DNAH11: variants seen among roughly 807,000 people sequenced by gnomAD.
DNAH11 encodes axonemal beta dynein heavy chain 11.
DNAH11 carries 442 observed loss-of-function variants against 526.0 expected under a neutral mutation model. The observed-to-expected ratio is 0.84, with a 90% CI of 0.78 to 0.91. DNAH11 has a LOEUF of 0.91. DNAH11 is among the 40% of genes least tolerant of loss of function. The pLI, the probability that DNAH11 is intolerant of heterozygous loss-of-function variation, is 0.00. For missense variants in DNAH11, 6,989 were observed against 5,448.7 expected, an observed-to-expected ratio of 1.28 and a Z score of -8.90; for synonymous variants, 2,461 against 1,935.9, an observed-to-expected ratio of 1.27 and a Z score of -7.12.
Position 21,854,425 on chromosome 7 carries a change from A to G in DNAH11, c.11172A>G (p.Lys3724=), listed in dbSNP as rs1782754945. Residue 3724 remains lysine, a synonymous_variant, in exon 68 of 82, where the codon AAA becomes AAG. Transcript: ENST00000409508. ...LLYFVINDLQ[K]INPLYQFSLK... ...ATTTTGTTATTAATGACCTCCAAAA[A>G]ATCAACCCCCTCTACCAATTCTCTT... 1 of 1,613,776 alleles carries G rather than the reference A, an allele frequency of 6.2e-7. No individual in the cohort carries two copies. The highest frequency in any genetic ancestry group is 1.7e-5 in the Admixed American group (1 of 60,004).
At chr7:21,654,853 A>G (rs957055338) in intron 28 of DNAH11, among the ~76,000 whole-genome samples, 1 of 152,134 alleles carries the variant, frequency 6.6e-6, no homozygotes, top group African/African-American at 2.4e-5. Context: ...CCTACACAAC[A>G]CATGTCATTC....
At chr7:21,684,157 T>C (rs1783269648) in intron 32 of DNAH11, among the ~76,000 whole-genome samples, 1 of 152,218 alleles carries the variant, frequency 6.6e-6, no homozygotes, top group Non-Finnish European at 1.5e-5. Context: ...GGAAGCATTG[T>C]TGATTCTGCC....
At chr7:21,754,165 T>C (rs1354502590) in intron 54 of DNAH11, among the ~76,000 whole-genome samples, 3 of 152,188 alleles carry the variant, frequency 2.0e-5, no homozygotes, top group Admixed American at 1.3e-4. Flanking sequence ...TTGATAATAG[T>C]AGGAATTCTG....
chr7:21,653,142 C>T (rs1781860042), intron 28 of DNAH11, among the ~76,000 whole-genome samples: 1 of 152,194 alleles, frequency 6.6e-6, no homozygotes, highest in African/African-American at 2.4e-5. Context: ...TCCCAAAGTG[C>T]TGGGATTACA....
At chr7:21,870,776 T>A (rs1583794951) in intron 73 of DNAH11, among the ~76,000 whole-genome samples, 1 of 152,116 alleles carries the variant, frequency 6.6e-6, no homozygotes, top group Non-Finnish European at 1.5e-5. Flanking sequence ...TTTTGGATAT[T>A]TGTTTCAGAC....
chr7:21,764,063 T>C (rs936322900), intron 54 of DNAH11, among the ~76,000 whole-genome samples: 2 of 152,020 alleles, frequency 1.3e-5, no homozygotes, highest in Non-Finnish European at 1.5e-5. Flanking sequence ...TTCCATTCAA[T>C]GGGTGTAGAG....
At chr7:21,752,143 C>A (rs992061145) in intron 54 of DNAH11, among the ~76,000 whole-genome samples, 7 of 152,208 alleles carry the variant, frequency 4.6e-5, no homozygotes, top group Non-Finnish European at 1.0e-4. Flanking sequence ...AATTTAAGAG[C>A]CATTGTTATA....
intron 30 of DNAH11, among the ~76,000 whole-genome samples, chr7:21,668,294 T>A (rs1386512032): frequency 6.6e-6 from 1 of 152,126 alleles, no homozygotes; most frequent in Non-Finnish European, 1.5e-5. Context: ...AGTATCTCTC[T>A]CCAGAGCAAA....
At chr7:21,622,981 A>G (rs561197573) in intron 25 of DNAH11, among the ~76,000 whole-genome samples, 19 of 152,314 alleles carry the variant, frequency 1.2e-4, no homozygotes, top group Non-Finnish European at 1.8e-4. Context: ...ATCTAATTAA[A>G]CTGAAGAGCT....
chr7:21,667,173 C>T (rs967244896), intron 30 of DNAH11, among the ~76,000 whole-genome samples: 5 of 152,104 alleles, frequency 3.3e-5, no homozygotes, highest in African/African-American at 1.2e-4. Context: ...AGCAGCTTCT[C>T]TCCCCTGTAT....
intron 28 of DNAH11, among the ~76,000 whole-genome samples, chr7:21,653,087 G>C (rs914072789): frequency 3.3e-5 from 5 of 152,128 alleles, no homozygotes; most frequent in Non-Finnish European, 7.3e-5. Flanking sequence ...TGTTGGTCAG[G>C]CTGGTTTGGA....
intron 59 of DNAH11, 40 bp downstream of exon 59, chr7:21,786,807 T>A: frequency 6.2e-7 from 1 of 1,610,984 alleles, no homozygotes; most frequent in African/African-American, 1.3e-5. Context: ...CCTGATAATT[T>A]CCATACTGTT....
intron 61 of DNAH11, among the ~76,000 whole-genome samples, chr7:21,789,813 T>TTTCTTTC (rs1788377600): frequency 1.1e-4 from 9 of 85,560 alleles, no homozygotes; most frequent in African/African-American, 3.7e-4. Context: ...TTCTTTTTTC[T>TTTCTTTC]TTCTTTCTTT....
At chr7:21,681,817 G>A (rs747839431) in intron 31 of DNAH11, 140 bp downstream of exon 31, 1 of 1,082,740 alleles carries the variant, frequency 9.2e-7, no homozygotes, top group Non-Finnish European at 1.4e-6. Context: ...TGTTTGTCTT[G>A]GGTGCATTTG....
chr7:21,740,081 G>A (rs983482045), intron 48 of DNAH11, among the ~76,000 whole-genome samples: 1 of 152,074 alleles, frequency 6.6e-6, no homozygotes, highest in Non-Finnish European at 1.5e-5. Flanking sequence ...ATAATGACAA[G>A]TATCAGCTGT....
chr7:21,772,354 T>TTC (rs1489998983), intron 55 of DNAH11, among the ~76,000 whole-genome samples: 1 of 124,346 alleles, frequency 8.0e-6, no homozygotes, highest in East Asian at 2.6e-4. Flanking sequence ...TCTTCTTTCT[T>TTC]TCTTTTTTTT....
In DNAH11 at chr7:21,582,029, C is replaced by G. The variant is rs554141853; in HGVS notation, c.1710+8C>G. 32 of 1,563,678 alleles carry G rather than the reference C, an allele frequency of 2.0e-5. No individual in the cohort carries two copies. In the Admixed American group the frequency reaches 5.2e-4, roughly 25 times the overall value. ...TTAGAAGCTGCATTTAAGGTTAGTTCTGAAGAAGCTATCATAAAAAACGTT... is the reference window on the plus strand; with the variant it reads ...TTAGAAGCTGCATTTAAGGTTAGTTGTGAAGAAGCTATCATAAAAAACGTT... On this transcript the variant is annotated splice_region_variant and intron_variant, in intron 9 of 81. Coordinates refer to ENST00000409508, the MANE Select transcript of DNAH11 (RefSeq NM_001277115.2).
intron 45 of DNAH11, among the ~76,000 whole-genome samples, chr7:21,727,192 C>T (rs1785160129): frequency 6.6e-6 from 1 of 151,890 alleles, no homozygotes; most frequent in African/African-American, 2.4e-5. Context: ...CTCGGCCTCC[C>T]AGAGTGCTGG....
At chr7:21,646,348 C>T (rs554756312) in intron 28 of DNAH11, among the ~76,000 whole-genome samples, 70 of 152,264 alleles carry the variant, frequency 4.6e-4, no homozygotes, top group African/African-American at 1.6e-3. Context: ...GGACATCAGG[C>T]AGTGGGGATT....
Sources: gnomAD v4.1 joint callset for allele counts (sites outside exome capture counted in the v4.1 genomes callset) on GRCh38, gnomAD v4.1.1 for gene constraint, MANE v1.5 for transcripts, NCBI Gene and HGNC (gene_info 2026-07-23, HGNC 2026-07-21) for gene names.